The following SMG6 variants were observed in gnomAD, a reference collection of about 807,000 sequenced individuals.
The protein encoded by SMG6 is SMG6 nonsense mediated mRNA decay factor, also known as telomerase-binding protein EST1A.
In SMG6, 66 loss-of-function variants were observed where a neutral mutation model predicts 142.2. The observed-to-expected ratio is 0.46, with a 90% CI of 0.38 to 0.57. The LOEUF (loss-of-function observed/expected upper bound fraction) is 0.57. Ranked by LOEUF, SMG6 falls within the 20% of genes least tolerant of loss-of-function variation. SMG6 has a pLI of 0.00. For missense variants in SMG6, 1,793 were observed against 1,832.0 expected, an observed-to-expected ratio of 0.98 and a Z score of 0.39; for synonymous variants, 779 against 702.4, an observed-to-expected ratio of 1.11 and a Z score of -1.72.
intron 13 of SMG6, among the ~76,000 whole-genome samples, chr17:2,125,276 T>C (rs1406917124): frequency 6.6e-6 from 1 of 152,154 alleles, no homozygotes; most frequent in Non-Finnish European, 1.5e-5. Context: ...AAACCCCCTA[T>C]TTATTCACCC....
chr17:2,070,827 C>A (rs2068080218), intron 15 of SMG6, among the ~76,000 whole-genome samples: 1 of 152,152 alleles, frequency 6.6e-6, no homozygotes, highest in Admixed American at 6.5e-5. Flanking sequence ...GGTCACTGAC[C>A]CTCTACATAG....
At chr17:2,154,258 C>T (rs1326638646) in intron 13 of SMG6, among the ~76,000 whole-genome samples, 1 of 141,536 alleles carries the variant, frequency 7.1e-6, no homozygotes, top group Non-Finnish European at 1.5e-5. Context: ...TAGAGTGTGA[C>T]GGTGACTGGG....
chr17:2,085,687 C>A lies in SMG6; in HGVS notation c.3534+38G>T, dbSNP rs543438723. ...AGCCACGAGCAGAATGGGGAGGGGG[C>A]CTTCCCTCTGCCACAGCGGGCTCTT... On this transcript the variant is annotated intron_variant, in intron 14 of 18. Transcript: ENST00000263073. This position sits in a 1 kb window ranked among gnomAD's most constrained non-coding sequence, Gnocchi z 4.1. 2.7e-5 allele frequency: 42 copies of A among 1,582,034 alleles called. No individual in the cohort carries two copies. The African/African-American group carries it at 5.0e-4, about 19-fold the overall frequency.
At chr17:2,300,849 A>G (rs1031743628) in intron 1 of SMG6, among the ~76,000 whole-genome samples, 185 bp from the exon 2 acceptor site, 2 of 152,268 alleles carry the variant, frequency 1.3e-5, no homozygotes, top group Non-Finnish European at 2.9e-5. Context: ...TGGGTTTACA[A>G]CACTTGTTCA....
chr17:2,066,389 T>TGTGC (rs1269233623), intron 16 of SMG6, among the ~76,000 whole-genome samples: 1 of 151,884 alleles, frequency 6.6e-6, no homozygotes, highest in Non-Finnish European at 1.5e-5. Context: ...TGTGTGTGTG[T>TGTGC]GTGCCTGTCT....
At chr17:2,296,750 T>G (rs529537242) in intron 4 of SMG6, among the ~76,000 whole-genome samples, 1 of 152,080 alleles carries the variant, frequency 6.6e-6, no homozygotes, top group East Asian at 1.9e-4. Flanking sequence ...TCCCAGCACT[T>G]TGGGAGGCTG....
At chr17:2,210,286 CTT>C (rs772849830) in intron 10 of SMG6, among the ~76,000 whole-genome samples, 32 of 137,178 alleles carry the variant, frequency 2.3e-4, no homozygotes, top group Non-Finnish European at 2.2e-4. Flanking sequence ...CTTTTCTTTT[CTT>C]TTTTTTTTTT....
intron 4 of SMG6, 78 bp downstream of exon 4, chr17:2,297,165 T>C (rs1398084600): frequency 1.0e-6 from 1 of 963,794 alleles, no homozygotes. Context: ...CCCAGTACAG[T>C]GTCTAGCACA....
At chr17:2,108,852 T>A (rs1047072974) in intron 13 of SMG6, among the ~76,000 whole-genome samples, 1 of 151,028 alleles carries the variant, frequency 6.6e-6, no homozygotes. Flanking sequence ...GCTGAGGTGG[T>A]AGAATCACTT....
chr17:2,080,452 A>G (rs1311931877), intron 15 of SMG6, among the ~76,000 whole-genome samples: 3 of 152,132 alleles, frequency 2.0e-5, no homozygotes, highest in African/African-American at 7.2e-5. Flanking sequence ...CAAAAAAAAG[A>G]TGGCTCTCGA....
rs76377667 is a variant in SMG6 at position 2,259,382 on chromosome 17, A to C, written c.2662-14663T>G. 1.5e-3 allele frequency among the ~76,000 whole-genome samples: 231 copies of C among 152,328 alleles called. 5 individuals carry two copies. In the East Asian group the frequency reaches 0.041, roughly 27 times the overall value. ...ACTGAACAAGTTTATTCATGGTGAT[A>C]AAGCAACAGGAGCCTGATGAATAAG... On this transcript the variant is annotated intron_variant, in intron 8 of 18. Coordinates refer to ENST00000263073, the MANE Select transcript of SMG6 (RefSeq NM_017575.5).
At chr17:2,230,736 C>A (rs902817411) in intron 10 of SMG6, among the ~76,000 whole-genome samples, 15 of 152,168 alleles carry the variant, frequency 9.9e-5, no homozygotes, top group African/African-American at 2.9e-4. Context: ...CTATCTCCCC[C>A]ACAGGGAAAG....
At position 2,112,572 on chromosome 17, in the gene SMG6, A is replaced by AAAT. The variant is rs2069370446; in HGVS notation, c.3358-26672_3358-26671insATT. On this transcript the variant is annotated intron_variant, in intron 13 of 18. Transcript: ENST00000263073. Reference sequence around the variant, plus strand: ...ATAAATAAATAAATAAATAAATAAAAGGCAATGGTCTGTTCCAAGTTCTTG... The same window carrying AAAT: ...ATAAATAAATAAATAAATAAATAAAAAATGGCAATGGTCTGTTCCAAGTTCTTG... Among the ~76,000 whole-genome samples the AAAT allele has an allele frequency of 4.7e-5, 7 of 149,312 alleles. No homozygotes were observed. In the South Asian group the frequency reaches 8.4e-4, roughly 18 times the overall value.
At chr17:2,081,637 C>G (rs2068426632) in intron 15 of SMG6, among the ~76,000 whole-genome samples, 173 bp downstream of exon 15, 1 of 152,148 alleles carries the variant, frequency 6.6e-6, no homozygotes, top group Non-Finnish European at 1.5e-5. Flanking sequence ...CTCTAGGCAC[C>G]AAACCTGCTA....
intron 13 of SMG6, among the ~76,000 whole-genome samples, chr17:2,096,810 C>A (rs2068868744): frequency 6.6e-6 from 1 of 151,640 alleles, no homozygotes; most frequent in African/African-American, 2.4e-5. Context: ...TTCACATGAC[C>A]TTCAGTCCAG....
chr17:2,100,201 C>A (rs1307976934), intron 13 of SMG6, among the ~76,000 whole-genome samples: 2 of 152,164 alleles, frequency 1.3e-5, no homozygotes, highest in African/African-American at 4.8e-5. Context: ...CCATACCCAG[C>A]TAGTTTTTGT....
At chr17:2,203,089 A>G (rs1008634962) in intron 10 of SMG6, among the ~76,000 whole-genome samples, 4 of 152,094 alleles carry the variant, frequency 2.6e-5, no homozygotes, top group African/African-American at 9.7e-5. Flanking sequence ...AAATGAAAAC[A>G]CTTCTAAATG....
chr17:2,182,966 A>AGAGGCCCAGCACTGTGGGAGGCC (rs1268468484), intron 12 of SMG6, among the ~76,000 whole-genome samples: 1 of 152,158 alleles, frequency 6.6e-6, no homozygotes, highest in Non-Finnish European at 1.5e-5. Context: ...GATAAGAAAG[A>AGAGGCCCAGCACTGTGGGAGGCC]GAGGCCCAGC....
intron 8 of SMG6, among the ~76,000 whole-genome samples, chr17:2,279,236 CAG>C (rs1224265801): frequency 3.3e-5 from 5 of 152,058 alleles, no homozygotes; most frequent in African/African-American, 1.2e-4. Flanking sequence ...GCGGTGCGGG[CAG>C]AGAGATGAAC....
Sources: allele counts gnomAD v4.1 joint callset (sites outside exome capture counted in the v4.1 genomes callset), GRCh38; gene constraint gnomAD v4.1.1; non-coding constraint Gnocchi (gnomAD v3.1); transcripts MANE v1.5; gene names NCBI Gene and HGNC (gene_info 2026-07-23, HGNC 2026-07-21).